Variants in HSPD1 observed in about 807,000 individuals in gnomAD.
HSPD1 encodes 60 kDa heat shock protein, mitochondrial.
A neutral mutation model predicts 53.0 loss-of-function variants in HSPD1; 3 were observed. That is an observed-to-expected ratio of 0.06 (90% CI 0.03 to 0.15). HSPD1 has a LOEUF of 0.15. Ranked by LOEUF, HSPD1 falls within the 10% of genes least tolerant of loss-of-function variation. HSPD1 has a pLI of 1.00. For synonymous variants in HSPD1, 200 were observed against 228.0 expected, an observed-to-expected ratio of 0.88 and a Z score of 1.10; for missense variants, 431 against 694.1, an observed-to-expected ratio of 0.62 and a Z score of 4.26.
chr2:197,493,191 A>C (rs1270294232), intron 7 of HSPD1, 133 bp downstream of exon 7: 1 of 805,482 alleles, frequency 1.2e-6, no homozygotes, highest in African/African-American at 1.7e-5. Context: ...CCTGATTTAC[A>C]CAATTACAAT....
intron 2 of HSPD1, 85 bp downstream of exon 2, chr2:197,498,590 T>C: frequency 8.5e-7 from 1 of 1,177,952 alleles, no homozygotes; most frequent in East Asian, 2.4e-5. Flanking sequence ...GAGATGAAAG[T>C]ACTGTTGAAT....
At chr2:197,498,015 T>C (rs1258879200) in intron 2 of HSPD1, among the ~76,000 whole-genome samples, 1 of 152,184 alleles carries the variant, frequency 6.6e-6, no homozygotes, top group Non-Finnish European at 1.5e-5. Flanking sequence ...CTCAAAACAT[T>C]ACCCCTATTA....
chr2:197,489,129 T>C lies in HSPD1; in HGVS notation c.1088A>G (p.Asp363Gly), dbSNP rs1265934050. Reference sequence around the variant, plus strand: ...AATACGTTTTTCAATTTGAGCCTTGTCACCTTTTCCTTTTAAGAGCATGGC... The same window carrying C: ...AATACGTTTTTCAATTTGAGCCTTGCCACCTTTTCCTTTTAAGAGCATGGC... ...DDAMLLKGKG[D>G]KAQIEKRIQE... is the part of the protein sequence containing the mutation. Residue 363 changes from aspartate to glycine, a missense_variant, in exon 9 of 12, where the codon GAC becomes GGC. Around this residue, in one of 2 missense-constraint regions of HSPD1, gnomAD observed 386 missense variants for 657.6 expected, o/e 0.59. Transcript: ENST00000388968. 6.2e-7 allele frequency: 1 copy of C among 1,614,152 alleles called. No homozygotes were observed. Among genetic ancestry groups the C allele is most frequent in the East Asian group, 2.2e-5 (1 of 44,886 alleles).
At chr2:197,497,547 T>A in intron 2 of HSPD1, 155 bp from the exon 3 acceptor site, 3 of 706,576 alleles carry the variant, frequency 4.2e-6, no homozygotes, top group Non-Finnish European at 7.4e-6. Flanking sequence ...AAGGGCAAGT[T>A]TATCGACATT....
chr2:197,488,000 G>A lies in HSPD1; in HGVS notation c.1427C>T (p.Ala476Val), dbSNP rs1248781435. ...ACCTGCATTCTTAGCAATGGTCATT[G>A]CTGGAATTTTGAGTGTTCTTTTAAT... ...EIIKRTLKIP[A>V]MTIAKNAGVE... Residue 476 changes from alanine to valine, a missense_variant, in exon 11 of 12, where the codon GCA becomes GTA. Around this residue, in one of 2 missense-constraint regions of HSPD1, gnomAD observed 386 missense variants for 657.6 expected, o/e 0.59. Coordinates refer to ENST00000388968, the MANE Select transcript of HSPD1 (RefSeq NM_002156.5). The A allele has an allele frequency of 2.5e-6, 4 of 1,611,882 alleles. No homozygotes were observed. In the South Asian group the frequency reaches 4.4e-5, roughly 18 times the overall value.
At position 197,488,843 on chromosome 2, in the gene HSPD1, G is replaced by A. The variant is rs2086057460; in HGVS notation, c.1215+159C>T. Among the ~76,000 whole-genome samples, 4 of 152,220 alleles carry A rather than the reference G, an allele frequency of 2.6e-5. No individual in the cohort carries two copies. The South Asian group carries it at 8.3e-4, about 32-fold the overall frequency. On this transcript the variant is annotated intron_variant, in intron 9 of 11. Transcript: ENST00000388968. Reference sequence around the variant, plus strand: ...AGATCGCACCACTGCATCCCAGCCTGGGTGACGAAGAGCTCAAAACAAAAC... The same window carrying A: ...AGATCGCACCACTGCATCCCAGCCTAGGTGACGAAGAGCTCAAAACAAAAC...
At chr2:197,494,595 TAACTCAAACTTTTGATCATA>T in intron 5 of HSPD1, 42 bp downstream of exon 5, 1 of 767,428 alleles carries the variant, frequency 1.3e-6, no homozygotes, top group Non-Finnish European at 2.0e-6. Context: ...GATCATCAGA[TAACTCAAACTTTTGATCATA>T]AGATAACTCA....
At chr2:197,488,178 G>T in intron 10 of HSPD1, 139 bp downstream of exon 10, 1 of 999,082 alleles carries the variant, frequency 1.0e-6, no homozygotes, top group Non-Finnish European at 1.6e-6. Context: ...TGTGATGCAT[G>T]TTTAGCTCTG....
Position 197,489,057 on chromosome 2 carries a change from T to G in HSPD1, c.1160A>C (p.Lys387Thr). 1 of 1,613,914 alleles carries G rather than the reference T, an allele frequency of 6.2e-7. No homozygotes were observed. Residue 387 changes from lysine (K) to threonine (T), a missense_variant, in exon 9 of 12, where the codon AAG becomes ACG. By Grantham distance (78) the Lys-to-Thr change is moderately conservative. Coordinates refer to ENST00000388968, the MANE Select transcript of HSPD1 (RefSeq NM_002156.5). ...QLDVTTSEYE[K>T]EKLNERLAKL... ...TGCAAGCCGTTCATTCAGTTTTTCC[T>G]TTTCATATTCACTAGTTGTGACATC...
chr2:197,495,485 A>AT, intron 3 of HSPD1, 109 bp from the exon 4 acceptor site: 2 of 822,568 alleles, frequency 2.4e-6, no homozygotes, highest in Non-Finnish European at 4.0e-6. Context: ...ACTTAAAAAA[A>AT]AAAATTTTTT....
intron 3 of HSPD1, chr2:197,496,916 CAAAAG>C (rs2086165265): frequency 1.8e-6 from 1 of 558,276 alleles, no homozygotes; most frequent in African/African-American, 1.9e-5. Context: ...TCTCTAAAAA[CAAAAG>C]AAACCAACTA....
rs2086051897 is a variant in HSPD1 at position 197,488,361 on chromosome 2, G to A, written c.1346C>T (p.Pro449Leu). The change falls in exon 10 of 12, where the codon CCA becomes CTA. Residue 449 changes from proline to leucine, a missense_variant. Transcript: ENST00000388968. ...GGGCALLRCI[P>L]ALDSLTPANE... ...AGCTGGAGTCAATGAGTCCAAGGCT[G>A]GAATGCATCGAAGGAGGGCACAACC... 1 of 1,613,890 alleles carries A rather than the reference G, an allele frequency of 6.2e-7. No individual in the cohort carries two copies. Among genetic ancestry groups the A allele is most frequent in the South Asian group, 1.1e-5 (1 of 91,076 alleles).
chr2:197,488,779 A>G (rs1182364800), intron 9 of HSPD1, among the ~76,000 whole-genome samples: 2 of 152,182 alleles, frequency 1.3e-5, no homozygotes, highest in Non-Finnish European at 2.9e-5. Flanking sequence ...AAGGCAGGAG[A>G]TTCGCTTGAA....
At chr2:197,498,986 T>C (rs2086199423) in intron 1 of HSPD1, 136 bp from the exon 2 acceptor site, 1 of 818,090 alleles carries the variant, frequency 1.2e-6, no homozygotes, top group South Asian at 1.5e-5. Flanking sequence ...TACGCCTGAA[T>C]GACGGAAGGC....
At chr2:197,493,855 C>T (rs976510798) in intron 6 of HSPD1, among the ~76,000 whole-genome samples, 4 of 152,128 alleles carry the variant, frequency 2.6e-5, no homozygotes, top group Non-Finnish European at 4.4e-5. Context: ...AATCCCAGCA[C>T]TTTGGGAGGC....
intron 7 of HSPD1, among the ~76,000 whole-genome samples, chr2:197,491,332 T>C (rs887355769): frequency 2.0e-5 from 3 of 152,006 alleles, no homozygotes; most frequent in Non-Finnish European, 4.4e-5. Flanking sequence ...AGCTAATTTT[T>C]TGTATTTTTA....
At chr2:197,496,951 C>T (rs1417642879) in intron 3 of HSPD1, 189 bp downstream of exon 3, 2 of 628,834 alleles carry the variant, frequency 3.2e-6, no homozygotes, top group East Asian at 2.8e-5. Flanking sequence ...TCAAAATTAC[C>T]TAACAGTACC....
At chr2:197,487,249 A>G in intron 11 of HSPD1, 51 bp from the exon 12 acceptor site, 1 of 1,539,120 alleles carries the variant, frequency 6.5e-7, no homozygotes, top group East Asian at 2.3e-5. Context: ...TATGAGCAAG[A>G]CTTATTGAAA....
intron 4 of HSPD1, chr2:197,494,992 A>G: frequency 1.7e-6 from 1 of 598,466 alleles, no homozygotes; most frequent in Non-Finnish European, 3.0e-6. Flanking sequence ...AAGTTTAAAA[A>G]TGCTGACTTC....
Sources: allele counts gnomAD v4.1 joint callset (sites outside exome capture counted in the v4.1 genomes callset), GRCh38; gene constraint gnomAD v4.1.1; regional missense constraint gnomAD v4.1.1; transcripts MANE v1.5; gene names NCBI Gene and HGNC (gene_info 2026-07-23, HGNC 2026-07-21).